The following CANX variants were observed in gnomAD, a reference collection of about 807,000 sequenced individuals.
The protein encoded by CANX is calnexin.
Under a neutral mutation model 75.7 loss-of-function variants are expected in CANX, and 14 were observed. The observed-to-expected ratio is 0.19, with a 90% CI of 0.12 to 0.29. CANX has a LOEUF of 0.29. Among genes scored for constraint, CANX ranks in the 10% least tolerant of loss-of-function variants. The probability of loss-of-function intolerance (pLI) is 1.00; values close to 1 mark genes in which losing one functional copy is unlikely to be tolerated. For missense variants in CANX, 567 were observed against 713.2 expected (o/e 0.79, Z 2.34); for synonymous variants, 227 against 236.9 (o/e 0.96, Z 0.38).
chr5:179,705,789 C>T lies in CANX; in HGVS notation c.108C>T (p.Asp36=), dbSNP rs1402529647. 2.0e-5 allele frequency: 32 copies of T among 1,612,416 alleles called. No individual in the cohort carries two copies. Among genetic ancestry groups the T allele is most frequent in the East Asian group, 2.2e-5 (1 of 44,860 alleles). Residue 36 remains aspartate (D), a synonymous_variant, in exon 2 of 15, where the codon GAC becomes GAT. Coordinates refer to ENST00000247461, the MANE Select transcript of CANX (RefSeq NM_001746.4). ...TGATTGATATTGAGGATGACCTTGA[C>T]GATGTCATTGAAGAGGTAGAAGACT... ...DDVIDIEDDL[D]DVIEEVEDSK...
chr5:179,710,693 G>A (rs866205266), intron 7 of CANX, among the ~76,000 whole-genome samples: 28 of 21,338 alleles, frequency 1.3e-3, no homozygotes, highest in Admixed American at 4.1e-3. Context: ...AGGAGACAGA[G>A]CAAGACTCCA....
At chr5:179,725,825 TTAAAA>T (rs1376380438) in intron 13 of CANX, among the ~76,000 whole-genome samples, 3 of 140,496 alleles carry the variant, frequency 2.1e-5, no homozygotes, top group South Asian at 2.3e-4. Flanking sequence ...CCGTCTCTAC[TTAAAA>T]TAAAAAAGTT....
chr5:179,678,944 G>A (rs1775975512), intron 1 of CANX: 6 of 1,535,156 alleles, frequency 3.9e-6, no homozygotes, highest in Non-Finnish European at 5.2e-6. Flanking sequence ...GCGCATGCAC[G>A]GCGCGCCGTA....
At chr5:179,685,373 C>T (rs1463510223) in intron 1 of CANX, among the ~76,000 whole-genome samples, 6 of 151,698 alleles carry the variant, frequency 4.0e-5, no homozygotes, top group African/African-American at 1.2e-4. Flanking sequence ...CTCAGCCTCC[C>T]GTGTAGCTGG....
intron 4 of CANX, among the ~76,000 whole-genome samples, chr5:179,707,895 G>A (rs1777267405): frequency 1.3e-5 from 2 of 152,228 alleles, no homozygotes; most frequent in South Asian, 4.1e-4. Flanking sequence ...GGAATAGAGT[G>A]GCGTGATCTT....
Position 179,724,775 on chromosome 5 carries a change from A to G in CANX, c.1637A>G (p.Glu546Gly), listed in dbSNP as rs143348712. The change falls in exon 13 of 15, where the codon GAG (glutamate) becomes GGG (glycine). Residue 546 changes from glutamate (E) to glycine (G), a missense_variant. Physicochemically the swap from Glu to Gly is moderately conservative, Grantham distance 98. Transcript: ENST00000247461. ...DKGDEEEEGE[E>G]KLEEKQKSDA... ...GGAGATGAGGAGGAGGAAGGAGAAG[A>G]GAAACTTGGTAAGAAACAGAGTCCA... is the stretch of plus-strand genomic sequence containing the variant. The G allele has an allele frequency of 8.3e-5, 134 of 1,608,148 alleles. 1 individual carries two copies. In the African/African-American group the frequency reaches 1.5e-3, roughly 18 times the overall value.
chr5:179,687,931 A>G (rs1245526820), intron 1 of CANX, among the ~76,000 whole-genome samples: 1 of 151,586 alleles, frequency 6.6e-6, no homozygotes, highest in East Asian at 2.0e-4. Context: ...GCTACTTGGG[A>G]GGCTGAAGCA....
At chr5:179,712,985 T>G (rs1466195847) in intron 7 of CANX, among the ~76,000 whole-genome samples, 3 of 151,782 alleles carry the variant, frequency 2.0e-5, no homozygotes, top group African/African-American at 7.3e-5. Flanking sequence ...GCCAGGCTGG[T>G]CTCGAACTCC....
At chr5:179,685,846 C>T (rs959020565) in intron 1 of CANX, among the ~76,000 whole-genome samples, 23 of 151,630 alleles carry the variant, frequency 1.5e-4, no homozygotes, top group Non-Finnish European at 1.3e-4. Flanking sequence ...TGAGCCACCA[C>T]GCCCTGCCTA....
At chr5:179,678,937 CATGCACG>C in intron 1 of CANX, 1 of 1,535,324 alleles carries the variant, frequency 6.5e-7, no homozygotes. Context: ...TGCTGAGGCG[CATGCACG>C]GCGCGCCGTA....
At chr5:179,698,585 G>T (rs7701901), upstream of CANX, 19 of 1,289,342 alleles carry the variant, frequency 1.5e-5, no homozygotes, top group Non-Finnish European at 1.9e-5. Context: ...CCCAAGTCTC[G>T]GCTCCAGGAA....
At chr5:179,694,564 G>A (rs1776356904), upstream of CANX, 2 of 898,862 alleles carry the variant, frequency 2.2e-6, no homozygotes, top group Non-Finnish European at 1.8e-6. Flanking sequence ...AAAAAGCTGG[G>A]TGAGATGTGG....
At chr5:179,702,968 C>T (rs986714606) in intron 1 of CANX, among the ~76,000 whole-genome samples, 14 of 152,058 alleles carry the variant, frequency 9.2e-5, no homozygotes, top group Non-Finnish European at 1.5e-4. Flanking sequence ...AGGGTTTCTC[C>T]GTGGTGGTCA....
chr5:179,679,308 C>T, intron 1 of CANX: 1 of 1,443,386 alleles, frequency 6.9e-7, no homozygotes, highest in Non-Finnish European at 9.1e-7. Flanking sequence ...TTGGTACAGG[C>T]CGCCTCTCAA....
chr5:179,723,488 G>C, intron 11 of CANX, 172 bp from the exon 12 acceptor site: 1 of 614,022 alleles, frequency 1.6e-6, no homozygotes, highest in Non-Finnish European at 2.7e-6. Flanking sequence ...ATTATAAGGA[G>C]AGCAAGAGGA....
At chr5:179,701,748 T>TTC (rs1776777484) in intron 1 of CANX, among the ~76,000 whole-genome samples, 1 of 114,756 alleles carries the variant, frequency 8.7e-6, no homozygotes, top group African/African-American at 3.1e-5. Flanking sequence ...TTTTTTTTTT[T>TTC]TTTTTTTTTT....
rs1286758264 is a variant in CANX at position 179,724,771 on chromosome 5, G to A, written c.1633G>A (p.Glu545Lys). 2.5e-6 allele frequency: 4 copies of A among 1,608,998 alleles called. No homozygotes were observed. Among genetic ancestry groups the A allele is most frequent in the Non-Finnish European group, 1.7e-6 (2 of 1,176,932 alleles). ...CAAGGGAGATGAGGAGGAGGAAGGA[G>A]AAGAGAAACTTGGTAAGAAACAGAG... ...KDKGDEEEEG[E>K]EKLEEKQKSD... Residue 545 changes from glutamate (E) to lysine (K), a missense_variant, in exon 13 of 15, where the codon GAA becomes AAA. Glu to Lys is a moderately conservative substitution (Grantham distance 56). Coordinates refer to ENST00000247461, the MANE Select transcript of CANX (RefSeq NM_001746.4).
Position 179,724,639 on chromosome 5 carries a change from CT to C in CANX, c.1519-15del, listed in dbSNP as rs534378517. On this transcript the variant is annotated splice_polypyrimidine_tract_variant and intron_variant, in intron 12 of 14. Coordinates refer to ENST00000247461, the MANE Select transcript of CANX (RefSeq NM_001746.4). ...ACATGAACATGTAAACAAAATTGTA[CT>C]TTGGGGAACATTTCAGAAACAGACC... is the stretch of plus-strand genomic sequence containing the variant. 437 of 1,608,422 alleles carry C rather than the reference CT, an allele frequency of 2.7e-4. 1 individual carries two copies. In the African/African-American group the frequency reaches 5.3e-3, roughly 19 times the overall value.
chr5:179,699,852 G>T (rs951836823), intron 1 of CANX: 1 of 152,358 alleles, frequency 6.6e-6, no homozygotes, highest in East Asian at 1.9e-4. Flanking sequence ...CCGTGCAGTG[G>T]TTAACGCTAA....
Sources: gnomAD v4.1 joint callset for allele counts (sites outside exome capture counted in the v4.1 genomes callset) on GRCh38, gnomAD v4.1.1 for gene constraint, MANE v1.5 for transcripts, NCBI Gene and HGNC (gene_info 2026-07-23, HGNC 2026-07-21) for gene names.